The following GPR39 variants were observed in gnomAD, a reference collection of about 807,000 sequenced individuals.
GPR39 encodes zinc sensing receptor.
In GPR39, 23 loss-of-function variants were observed where a neutral mutation model predicts 18.4. The observed-to-expected ratio is 1.25, with a 90% confidence interval of 0.90 to 1.77. The LOEUF (loss-of-function observed/expected upper bound fraction) is 1.77. Among genes scored for constraint, GPR39 ranks in the 40% most tolerant of loss-of-function variants. GPR39 has a pLI of 0.00. For missense variants in GPR39, 647 were observed against 602.4 expected (o/e 1.07, Z -0.78); for synonymous variants, 280 against 257.9 (o/e 1.09, Z -0.82).
chr2:132,425,977 T>TTA (rs780369178), intron 1 of GPR39, among the ~76,000 whole-genome samples: 1 of 152,364 alleles, frequency 6.6e-6, no homozygotes, highest in South Asian at 2.1e-4. Flanking sequence ...TGTGTGCTAA[T>TTA]AAATAGGTGT....
chr2:132,537,707 A>G (rs1052377465), intron 1 of GPR39, among the ~76,000 whole-genome samples: 5 of 151,668 alleles, frequency 3.3e-5, no homozygotes, highest in Admixed American at 6.6e-5. Context: ...AGTCTTTTTA[A>G]CATAGTCCCA....
intron 1 of GPR39, among the ~76,000 whole-genome samples, chr2:132,440,747 TTAAAA>T (rs1407094101): frequency 6.6e-6 from 1 of 151,922 alleles, no homozygotes; most frequent in South Asian, 2.1e-4. Flanking sequence ...TCACTGAGAT[TTAAAA>T]TAATAATAAT....
chr2:132,469,155 C>T (rs1361048658), intron 1 of GPR39, among the ~76,000 whole-genome samples: 1 of 152,174 alleles, frequency 6.6e-6, no homozygotes, highest in Non-Finnish European at 1.5e-5. Context: ...GGTGGAGCCT[C>T]CTCTTGCCCT....
chr2:132,539,731 G>C (rs527816152), intron 1 of GPR39, among the ~76,000 whole-genome samples: 1 of 152,224 alleles, frequency 6.6e-6, no homozygotes, highest in African/African-American at 2.4e-5. Context: ...ATCTACTTCT[G>C]TCATATTCTG....
At chr2:132,483,282 G>A (rs943584109) in intron 1 of GPR39, among the ~76,000 whole-genome samples, 4 of 152,226 alleles carry the variant, frequency 2.6e-5, no homozygotes, top group Admixed American at 2.0e-4. Flanking sequence ...GGCAAGTAAT[G>A]TGAGTGGGAC....
intron 1 of GPR39, among the ~76,000 whole-genome samples, chr2:132,443,514 C>T (rs1680476229): frequency 6.6e-6 from 1 of 152,108 alleles, no homozygotes; most frequent in Non-Finnish European, 1.5e-5. Flanking sequence ...ATGATTTTGC[C>T]CAACCGTAGG....
chr2:132,575,088 C>T (rs1227071427), intron 1 of GPR39, among the ~76,000 whole-genome samples: 1 of 152,030 alleles, frequency 6.6e-6, no homozygotes, highest in South Asian at 2.1e-4. Context: ...TAATCTTCAA[C>T]TTTCTTTTTC....
At chr2:132,618,480 A>G (rs544718789) in intron 1 of GPR39, among the ~76,000 whole-genome samples, 1 of 152,310 alleles carries the variant, frequency 6.6e-6, no homozygotes, top group Admixed American at 6.5e-5. Context: ...CTCGATCACA[A>G]ATGTGACAAT....
chr2:132,644,706 C>T (rs1681958171), intron 1 of GPR39: 1 of 172,954 alleles, frequency 5.8e-6, no homozygotes, highest in Non-Finnish European at 1.2e-5. Flanking sequence ...TTATCTAATG[C>T]AGCTATACTG....
At chr2:132,537,332 A>G (rs1679776164) in intron 1 of GPR39, among the ~76,000 whole-genome samples, 1 of 152,154 alleles carries the variant, frequency 6.6e-6, no homozygotes, top group Non-Finnish European at 1.5e-5. Flanking sequence ...TATGAGGCTT[A>G]GTTTGACTGG....
intron 1 of GPR39, among the ~76,000 whole-genome samples, chr2:132,451,473 T>C (rs1206950233): frequency 6.6e-6 from 1 of 152,174 alleles, no homozygotes; most frequent in East Asian, 1.9e-4. Context: ...TAAATATTCA[T>C]TGAATGAATG....
intron 1 of GPR39, among the ~76,000 whole-genome samples, chr2:132,560,764 T>C (rs543615771): frequency 6.6e-6 from 1 of 152,168 alleles, no homozygotes; most frequent in Non-Finnish European, 1.5e-5. Context: ...CCAAACATCC[T>C]GCGTGGGCAG....
At chr2:132,446,519 G>C (rs1680541090) in intron 1 of GPR39, among the ~76,000 whole-genome samples, 1 of 152,168 alleles carries the variant, frequency 6.6e-6, no homozygotes, top group Non-Finnish European at 1.5e-5. Context: ...GAACAAAGAG[G>C]GTAAAACTCC....
chr2:132,566,790 C>T (rs961638806), intron 1 of GPR39, among the ~76,000 whole-genome samples: 3 of 152,166 alleles, frequency 2.0e-5, no homozygotes, highest in Non-Finnish European at 4.4e-5. Context: ...GGTCATTTCC[C>T]AATACACATT....
At chr2:132,508,191 TC>T in intron 1 of GPR39, among the ~76,000 whole-genome samples, 1 of 152,168 alleles carries the variant, frequency 6.6e-6, no homozygotes, top group East Asian at 1.9e-4. Context: ...ATGAAGACAC[TC>T]CTACTACTTG....
chr2:132,424,039 G>T (rs1371270923), intron 1 of GPR39, among the ~76,000 whole-genome samples: 3 of 152,156 alleles, frequency 2.0e-5, no homozygotes, highest in East Asian at 3.9e-4. Context: ...TGATTCCTCT[G>T]AGGCCTCTGA....
At chr2:132,427,389 G>A (rs893035130) in intron 1 of GPR39, among the ~76,000 whole-genome samples, 1 of 149,544 alleles carries the variant, frequency 6.7e-6, no homozygotes, top group Non-Finnish European at 1.5e-5. Flanking sequence ...AGGATGTCTC[G>A]ATCTCCTGAC....
At chr2:132,472,864 C>T (rs1681057967) in intron 1 of GPR39, among the ~76,000 whole-genome samples, 1 of 152,060 alleles carries the variant, frequency 6.6e-6, no homozygotes, top group Non-Finnish European at 1.5e-5. Flanking sequence ...AGCTAGAACT[C>T]AGTAACACAA....
At chr2:132,490,411 A>T (rs1681433869) in intron 1 of GPR39, among the ~76,000 whole-genome samples, 1 of 151,886 alleles carries the variant, frequency 6.6e-6, no homozygotes, top group Non-Finnish European at 1.5e-5. Context: ...TCAGCTGTAG[A>T]TTTAGACCGA....
Sources: gnomAD v4.1 joint callset for allele counts (sites outside exome capture counted in the v4.1 genomes callset) on GRCh38, gnomAD v4.1.1 for gene constraint, MANE v1.5 for transcripts, NCBI Gene and HGNC (gene_info 2026-07-23, HGNC 2026-07-21) for gene names.